POU6F2: variants seen among roughly 807,000 people sequenced by gnomAD.
The protein encoded by POU6F2 is POU domain, class 6, transcription factor 2.
POU6F2 carries 31 observed loss-of-function variants against 71.3 expected under a neutral mutation model. The observed-to-expected ratio is 0.43, with a 90% CI of 0.33 to 0.59. The LOEUF (loss-of-function observed/expected upper bound fraction) is 0.59, where lower values mean the gene tolerates loss of function less well. POU6F2 is among the 20% of genes least tolerant of loss of function. The pLI is 0.04. For synonymous variants in POU6F2, 347 were observed against 355.7 expected (o/e 0.98, Z 0.27); for missense variants, 783 against 856.8 (o/e 0.91, Z 1.07).
At chr7:39,163,275 C>G (rs1212209315) in intron 2 of POU6F2, among the ~76,000 whole-genome samples, 1 of 152,138 alleles carries the variant, frequency 6.6e-6, no homozygotes, top group Non-Finnish European at 1.5e-5. Context: ...TGCTTTAATT[C>G]TCATGTTTGA....
At chr7:39,081,047 A>T (rs1791109018) in intron 1 of POU6F2, among the ~76,000 whole-genome samples, 3 of 152,226 alleles carry the variant, frequency 2.0e-5, no homozygotes, top group Admixed American at 1.3e-4. Flanking sequence ...GTACACTGGG[A>T]CATCTCTATT....
intron 5 of POU6F2, among the ~76,000 whole-genome samples, chr7:39,371,972 G>T (rs892648208): frequency 6.6e-6 from 1 of 152,182 alleles, no homozygotes; most frequent in Non-Finnish European, 1.5e-5. Context: ...CTGGAGTGCA[G>T]TGATGCAATC....
At chr7:39,058,148 G>A (rs1790574322) in intron 1 of POU6F2, among the ~76,000 whole-genome samples, 1 of 152,126 alleles carries the variant, frequency 6.6e-6, no homozygotes, top group Non-Finnish European at 1.5e-5. Context: ...TTGTTTAAAT[G>A]TACTATCTGA....
chr7:39,087,407 A>G (rs1010127813), intron 2 of POU6F2, among the ~76,000 whole-genome samples: 1 of 152,114 alleles, frequency 6.6e-6, no homozygotes. Context: ...AAATTTTGGT[A>G]GCATCCCTTC....
At chr7:39,343,916 C>G (rs757786087) in intron 5 of POU6F2, among the ~76,000 whole-genome samples, 1 of 152,182 alleles carries the variant, frequency 6.6e-6, no homozygotes, top group Non-Finnish European at 1.5e-5. Context: ...TCTTCCCACT[C>G]AGCTGGGTGG....
At chr7:38,981,704 T>C (rs1471751792) in intron 1 of POU6F2, among the ~76,000 whole-genome samples, 3 of 152,172 alleles carry the variant, frequency 2.0e-5, no homozygotes, top group Non-Finnish European at 4.4e-5. Flanking sequence ...GCATTAGAAG[T>C]GCAGTAAAAA....
chr7:39,006,853 A>G, intron 1 of POU6F2: 1 of 1,613,714 alleles, frequency 6.2e-7, no homozygotes, highest in Non-Finnish European at 8.5e-7. Flanking sequence ...GTGGCAAATG[A>G]GTGCTCTTCT....
intron 4 of POU6F2, among the ~76,000 whole-genome samples, chr7:39,317,776 T>C (rs1013581738): frequency 6.6e-6 from 1 of 152,200 alleles, no homozygotes; most frequent in Non-Finnish European, 1.5e-5. Context: ...CCTACCTTCT[T>C]CTCTGTGTGC....
chr7:39,060,999 A>T (rs1434107916), intron 1 of POU6F2, among the ~76,000 whole-genome samples: 1 of 152,106 alleles, frequency 6.6e-6, no homozygotes, highest in African/African-American at 2.4e-5. Context: ...TTTCATTTAC[A>T]TGGGTAATAT....
At chr7:39,368,349 A>G (rs1786545713) in intron 5 of POU6F2, among the ~76,000 whole-genome samples, 1 of 152,244 alleles carries the variant, frequency 6.6e-6, no homozygotes, top group South Asian at 2.1e-4. Context: ...GCTTAATCCA[A>G]ACCAAGGCCC....
intron 1 of POU6F2, among the ~76,000 whole-genome samples, chr7:39,004,018 T>C (rs1788988194): frequency 6.6e-6 from 1 of 152,174 alleles, no homozygotes; most frequent in Admixed American, 6.5e-5. Flanking sequence ...TGAATAGACA[T>C]TCCGTTTAAA....
chr7:39,412,778 C>CTTTTTTTTTTTTTTTTTTTTTTTTTTTT lies in POU6F2; in HGVS notation c.1113+6052_1113+6079dup, dbSNP rs1166811956. Among the ~76,000 whole-genome samples the CTTTTTTTTTTTTTTTTTTTTTTTTTTTT allele has an allele frequency of 8.6e-5, 2 of 23,168 alleles. 1 individual carries two copies. The highest frequency in any genetic ancestry group is 2.1e-4 in the Non-Finnish European group (2 of 9,474). The allele number at this position is 23,168 out of a possible 152,430, so 15.2% of individuals were successfully genotyped here. A position where few individuals can be genotyped will look rare whatever the true frequency, so the allele number is the denominator to read the frequency against. ...TCCGTATTAGCTTCAGTTTTCTTGC[C>CTTTTTTTTTTTTTTTTTTTTTTTTTTTT]TTTTTTTTTTTTTTTTTTTTTTTTT... On this transcript the variant is annotated intron_variant, in intron 6 of 9. Transcript: ENST00000518318.
intron 4 of POU6F2, among the ~76,000 whole-genome samples, chr7:39,239,471 A>G (rs890395102): frequency 1.3e-5 from 2 of 152,170 alleles, no homozygotes; most frequent in East Asian, 1.9e-4. Flanking sequence ...AGAAATATTA[A>G]TGTGCTTCAT....
At chr7:39,076,262 C>T (rs1042257303) in intron 1 of POU6F2, among the ~76,000 whole-genome samples, 21 of 151,728 alleles carry the variant, frequency 1.4e-4, no homozygotes, top group African/African-American at 4.6e-4. Context: ...TCCCTTCCTT[C>T]CTTCCTTCCT....
intron 1 of POU6F2, among the ~76,000 whole-genome samples, chr7:39,029,503 G>A (rs1789891339): frequency 6.6e-6 from 1 of 151,356 alleles, no homozygotes; most frequent in Admixed American, 6.6e-5. Context: ...AGGGGGGGGT[G>A]GATGATGAGA....
chr7:39,082,589 A>G (rs1276182033), intron 1 of POU6F2, among the ~76,000 whole-genome samples: 2 of 152,114 alleles, frequency 1.3e-5, no homozygotes, highest in Non-Finnish European at 2.9e-5. Context: ...AAAGGATTTC[A>G]CAGACTGCTA....
At chr7:39,124,443 T>C (rs199638856) in intron 2 of POU6F2, among the ~76,000 whole-genome samples, 1 of 152,226 alleles carries the variant, frequency 6.6e-6, no homozygotes, top group East Asian at 1.9e-4. Flanking sequence ...AACAGCCAAA[T>C]TGTATTTTGA....
intron 1 of POU6F2, among the ~76,000 whole-genome samples, chr7:39,021,239 GTTA>G (rs1451678954): frequency 6.6e-6 from 1 of 151,672 alleles, no homozygotes; most frequent in African/African-American, 2.4e-5. Flanking sequence ...ATGTTATGTG[GTTA>G]TTTTCTTTCC....
intron 5 of POU6F2, among the ~76,000 whole-genome samples, chr7:39,393,576 G>A (rs1392400482): frequency 4.6e-5 from 7 of 152,130 alleles, no homozygotes; most frequent in Non-Finnish European, 1.0e-4. Flanking sequence ...GAATTCAAGA[G>A]GGTAGATGTT....
Sources: gnomAD v4.1 joint callset for allele counts (sites outside exome capture counted in the v4.1 genomes callset) on GRCh38, gnomAD v4.1.1 for gene constraint, MANE v1.5 for transcripts, NCBI Gene and HGNC (gene_info 2026-07-23, HGNC 2026-07-21) for gene names.